Variants in KHDRBS2 observed in about 807,000 individuals in gnomAD.
KHDRBS2 encodes KH RNA binding domain containing, signal transduction associated 2.
Under a neutral mutation model 44.3 loss-of-function variants are expected in KHDRBS2, and 26 were observed. The observed-to-expected ratio is 0.59, with a 90% CI of 0.43 to 0.81. KHDRBS2 has a LOEUF of 0.81. Among genes scored for constraint, KHDRBS2 ranks in the 40% least tolerant of loss-of-function variants. KHDRBS2 has a pLI of 0.00. For missense variants in KHDRBS2, 476 were observed against 433.1 expected (o/e 1.10, Z -0.88); for synonymous variants, 194 against 151.1 (o/e 1.28, Z -2.08).
chr6:61,711,961 G>A (rs1386046441), intron 7 of KHDRBS2, among the ~76,000 whole-genome samples: 2 of 151,726 alleles, frequency 1.3e-5, no homozygotes, highest in Non-Finnish European at 2.9e-5. Context: ...GCTGGAAGTT[G>A]GCTGATCTAG....
the KHDRBS2 span, among the ~76,000 whole-genome samples, chr6:61,569,639 A>G: frequency 4.6e-5 from 7 of 152,174 alleles, no homozygotes; most frequent in Non-Finnish European, 2.9e-5. Context: ...CACACTAAAC[A>G]TATCTACAAC....
At chr6:62,106,916 T>A (rs1803519156) in intron 2 of KHDRBS2, among the ~76,000 whole-genome samples, 1 of 151,742 alleles carries the variant, frequency 6.6e-6, no homozygotes, top group South Asian at 2.1e-4. Context: ...AAACTCTCAA[T>A]AAATTAGGTA....
intron 2 of KHDRBS2, among the ~76,000 whole-genome samples, chr6:62,107,925 C>T (rs1286204811): frequency 2.6e-5 from 4 of 152,062 alleles, no homozygotes; most frequent in Non-Finnish European, 5.9e-5. Context: ...CTTCCTTACA[C>T]CTTATACAAA....
chr6:61,989,476 A>G (rs915474790), intron 3 of KHDRBS2, among the ~76,000 whole-genome samples: 2 of 152,194 alleles, frequency 1.3e-5, no homozygotes, highest in Admixed American at 6.5e-5. Context: ...TGTTTGACAA[A>G]TGGTGCTGTC....
the KHDRBS2 span, among the ~76,000 whole-genome samples, chr6:61,665,744 T>C: frequency 2.6e-5 from 4 of 151,178 alleles, no homozygotes; most frequent in East Asian, 3.9e-4. Context: ...CTGTGTAATA[T>C]AAAGAATACT....
intron 6 of KHDRBS2, among the ~76,000 whole-genome samples, chr6:61,797,725 T>G (rs1743445): frequency 7.2e-4 from 83 of 114,822 alleles, no homozygotes; most frequent in Admixed American, 1.7e-3. Flanking sequence ...GTATGGTGTT[T>G]TGTGTGTGTG....
intron 2 of KHDRBS2, among the ~76,000 whole-genome samples, chr6:62,100,326 T>C (rs1262355962): frequency 1.3e-5 from 2 of 152,236 alleles, no homozygotes; most frequent in Non-Finnish European, 2.9e-5. Context: ...TGAAATCTAT[T>C]CCTGATGAAG....
At chr6:61,744,217 G>A (rs1344693413) in intron 6 of KHDRBS2, among the ~76,000 whole-genome samples, 2 of 152,070 alleles carry the variant, frequency 1.3e-5, no homozygotes, top group Non-Finnish European at 2.9e-5. Flanking sequence ...TCAAAAACAA[G>A]GACTCTATTA....
At chr6:61,865,146 A>C (rs1364482403) in intron 6 of KHDRBS2, among the ~76,000 whole-genome samples, 1 of 151,638 alleles carries the variant, frequency 6.6e-6, no homozygotes, top group Non-Finnish European at 1.5e-5. Flanking sequence ...CTTTATACTC[A>C]CTGTTTTGGC....
chr6:62,021,211 A>G (rs1007522513), intron 3 of KHDRBS2, among the ~76,000 whole-genome samples: 1 of 151,988 alleles, frequency 6.6e-6, no homozygotes, highest in Non-Finnish European at 1.5e-5. Flanking sequence ...AAATGATGAG[A>G]ACACATGGAC....
intron 4 of KHDRBS2, among the ~76,000 whole-genome samples, chr6:61,957,824 C>T (rs1410518065): frequency 6.6e-6 from 1 of 152,138 alleles, no homozygotes; most frequent in Admixed American, 6.6e-5. Context: ...ACTCCCTCCC[C>T]TTTTGAAAAT....
chr6:62,108,055 C>T (rs553661901), intron 2 of KHDRBS2, among the ~76,000 whole-genome samples: 4 of 152,270 alleles, frequency 2.6e-5, no homozygotes, highest in African/African-American at 9.6e-5. Flanking sequence ...ATGTCTAAAA[C>T]ACCAAAAGCA....
At chr6:61,723,248 G>T (rs1465442796) in intron 7 of KHDRBS2, among the ~76,000 whole-genome samples, 1 of 151,980 alleles carries the variant, frequency 6.6e-6, no homozygotes, top group Non-Finnish European at 1.5e-5. Flanking sequence ...CAACCTCAAA[G>T]ATCAAAGGTA....
intron 2 of KHDRBS2, among the ~76,000 whole-genome samples, chr6:62,079,917 C>CA (rs1254138443): frequency 6.6e-6 from 1 of 152,008 alleles, no homozygotes; most frequent in African/African-American, 2.4e-5. Context: ...TGCCTACAGA[C>CA]ATTCAAGCAT....
At chr6:62,120,118 A>C (rs1176172156) in intron 2 of KHDRBS2, among the ~76,000 whole-genome samples, 1 of 152,184 alleles carries the variant, frequency 6.6e-6, no homozygotes, top group Non-Finnish European at 1.5e-5. Context: ...TCTGCATTTA[A>C]TGTTGCAACT....
chr6:61,587,422 C>A, the KHDRBS2 span, among the ~76,000 whole-genome samples: 3 of 152,002 alleles, frequency 2.0e-5, no homozygotes, highest in Non-Finnish European at 4.4e-5. Flanking sequence ...TGTGAGAGCA[C>A]ATTTCCAGAC....
At chr6:62,115,823 G>C (rs918945045) in intron 2 of KHDRBS2, among the ~76,000 whole-genome samples, 1 of 151,950 alleles carries the variant, frequency 6.6e-6, no homozygotes, top group African/African-American at 2.4e-5. Context: ...GAGTTAAAGA[G>C]ATATGAGAAA....
At chr6:61,595,674 T>C in the KHDRBS2 span, among the ~76,000 whole-genome samples, 1 of 151,956 alleles carries the variant, frequency 6.6e-6, no homozygotes, top group Non-Finnish European at 1.5e-5. Flanking sequence ...TGTTTCATAT[T>C]TTCAGATGAA....
intron 2 of KHDRBS2, among the ~76,000 whole-genome samples, chr6:62,081,860 A>G (rs768918104): frequency 6.6e-6 from 1 of 152,034 alleles, no homozygotes; most frequent in Non-Finnish European, 1.5e-5. Flanking sequence ...GAAATTATAT[A>G]TAATATTATA....
Sources: gnomAD v4.1 joint callset for allele counts (sites outside exome capture counted in the v4.1 genomes callset) on GRCh38, gnomAD v4.1.1 for gene constraint, MANE v1.5 for transcripts, NCBI Gene and HGNC (gene_info 2026-07-23, HGNC 2026-07-21) for gene names.